Variants in NFATC3 observed in about 807,000 individuals in gnomAD.
NFATC3 encodes nuclear factor of activated T cells 3, also known as nuclear factor of activated T-cells, cytoplasmic 3.
Under a neutral mutation model 98.6 loss-of-function variants are expected in NFATC3, and 46 were observed. That is an observed-to-expected ratio of 0.47 (90% CI 0.37 to 0.60). The LOEUF (loss-of-function observed/expected upper bound fraction) is 0.60, where lower values mean the gene tolerates loss of function less well. Among genes scored for constraint, NFATC3 ranks in the 20% least tolerant of loss-of-function variants. The probability of loss-of-function intolerance (pLI) is 0.00; values close to 1 mark genes in which losing one functional copy is unlikely to be tolerated. For missense variants in NFATC3, 1,256 were observed against 1,295.5 expected (o/e 0.97, Z 0.47); for synonymous variants, 512 against 472.2 (o/e 1.08, Z -1.09).
chr16:68,118,784 GGTTTCTTATCTC>G (rs1488324031), intron 1 of NFATC3, among the ~76,000 whole-genome samples: 1 of 152,072 alleles, frequency 6.6e-6, no homozygotes, highest in Admixed American at 6.6e-5. Flanking sequence ...TAGAAGTTTT[GGTTTCTTATCTC>G]AAGTCTGTCT....
intron 1 of NFATC3, among the ~76,000 whole-genome samples, chr16:68,105,072 A>G (rs1279892024): frequency 6.7e-6 from 1 of 148,898 alleles, no homozygotes; most frequent in Non-Finnish European, 1.5e-5. Flanking sequence ...TTTTTCTGTC[A>G]GTTGAGGTGA....
chr16:68,158,101 T>G (rs377157662), intron 4 of NFATC3, 33 bp downstream of exon 4: 14 of 1,411,000 alleles, frequency 9.9e-6, no homozygotes, highest in Middle Eastern at 3.6e-4. Flanking sequence ...TGTGCAGTTC[T>G]TTTTTTCTCT....
At chr16:68,126,905 A>G (rs2036861928) in intron 3 of NFATC3, among the ~76,000 whole-genome samples, 1 of 152,146 alleles carries the variant, frequency 6.6e-6, no homozygotes, top group African/African-American at 2.4e-5. Context: ...TTATGAATAA[A>G]ATATATGCTC....
At position 68,183,078 on chromosome 16, in the gene NFATC3, A is replaced by C. The variant is rs535792921; in HGVS notation, c.1972-162A>C. Among the ~76,000 whole-genome samples the C allele has an allele frequency of 2.0e-5, 3 of 152,356 alleles. No individual in the cohort carries two copies. The East Asian group carries it at 5.8e-4, about 29-fold the overall frequency. On this transcript the variant is annotated intron_variant, in intron 7 of 9. Coordinates refer to ENST00000346183, the MANE Select transcript of NFATC3 (RefSeq NM_173165.3). ...AAAAGACTTACTCTTTCAAGACTGA[A>C]GTATCCCTTTAGTAAATCTCCAGAT...
intron 5 of NFATC3, among the ~76,000 whole-genome samples, chr16:68,171,525 G>A (rs2039460856): frequency 6.6e-6 from 1 of 150,952 alleles, no homozygotes; most frequent in Non-Finnish European, 1.5e-5. Context: ...CCAGGCTGGA[G>A]TGCAATGGCA....
chr16:68,092,909 T>G (rs2034807414), intron 1 of NFATC3, among the ~76,000 whole-genome samples: 1 of 152,208 alleles, frequency 6.6e-6, no homozygotes, highest in African/African-American at 2.4e-5. Flanking sequence ...TTTCCCCCCT[T>G]CTCTCTGCCC....
rs189527094 is a variant in NFATC3 at position 68,137,699 on chromosome 16, C to T, written c.1401+11089C>T. Reference sequence around the variant, plus strand: ...CTCGATCTCCGCTCACTGCAAGCTCCGCCTCCTGGGTTCACGCCATTCTCC... The same window carrying T: ...CTCGATCTCCGCTCACTGCAAGCTCTGCCTCCTGGGTTCACGCCATTCTCC... On this transcript the variant is annotated intron_variant, in intron 3 of 9. Transcript: ENST00000346183. Among the ~76,000 whole-genome samples, 159 of 151,812 alleles carry T rather than the reference C, an allele frequency of 1.0e-3. 1 individual carries two copies. The highest frequency in any genetic ancestry group is 3.8e-3 in the African/African-American group (159 of 41,386).
chr16:68,148,146 A>T (rs2038132785), intron 3 of NFATC3, among the ~76,000 whole-genome samples: 1 of 151,996 alleles, frequency 6.6e-6, no homozygotes, highest in South Asian at 2.1e-4. Flanking sequence ...CTTCCTGAGT[A>T]GCTGGGATTA....
chr16:68,116,668 C>T lies in NFATC3; in HGVS notation c.104-5319C>T, dbSNP rs190140453. ...GCAGCACTTTAAGACATCATTCTGA[C>T]GTAGAAGATGTTTGCTTCATCTACA... On this transcript the variant is annotated intron_variant, in intron 1 of 9. Coordinates refer to ENST00000346183, the MANE Select transcript of NFATC3 (RefSeq NM_173165.3). Among the ~76,000 whole-genome samples the T allele has an allele frequency of 6.4e-4, 97 of 152,240 alleles. 1 individual carries two copies. Among genetic ancestry groups the T allele is most frequent in the Admixed American group, 1.7e-3 (26 of 15,298 alleles).
At chr16:68,211,931 G>A (rs1324737970) in intron 9 of NFATC3, among the ~76,000 whole-genome samples, 1 of 152,208 alleles carries the variant, frequency 6.6e-6, no homozygotes, top group East Asian at 1.9e-4. Flanking sequence ...CTGGAGCACT[G>A]CAAGTTTCTG....
chr16:68,123,116 A>G lies in NFATC3; in HGVS notation c.1233A>G (p.Ile411Met). The G allele has an allele frequency of 6.3e-7, 1 of 1,593,076 alleles. No individual in the cohort carries two copies. Among genetic ancestry groups the G allele is most frequent in the South Asian group, 1.1e-5 (1 of 89,890 alleles). Residue 411 changes from isoleucine to methionine, a missense_variant, in exon 2 of 10, where the codon ATA becomes ATG. Coordinates refer to ENST00000346183, the MANE Select transcript of NFATC3 (RefSeq NM_173165.3). ...WSKPKPGHTPIFRTSSLPPLD... is the reference protein window; with the variant it reads ...WSKPKPGHTPMFRTSSLPPLD... ...AACCAAAGCCTGGCCACACCCCTAT[A>G]TTTCGGTGAGTTGATGGAAATGGCT...
At chr16:68,164,166 G>A (rs1478969300) in intron 4 of NFATC3, among the ~76,000 whole-genome samples, 3 of 152,348 alleles carry the variant, frequency 2.0e-5, no homozygotes, top group Non-Finnish European at 2.9e-5. Flanking sequence ...TCGGGAGGCC[G>A]AGGCTGGCGG....
rs1412529661 is a variant in NFATC3, at chr16:68,228,497, T to C, written c.*2026T>C. 6.6e-6 allele frequency: 1 copy of C among 152,636 alleles called. No individual in the cohort carries two copies. Among genetic ancestry groups the C allele is most frequent in the Non-Finnish European group, 1.5e-5 (1 of 68,046 alleles). 9.5% of individuals were successfully genotyped at this position (152,636 alleles called of 1,614,324 possible). ...AAGCCTCTATGATCCAGAGTTGCTA[T>C]GCACCAAATTTTGATGCCTTCTAAA... On this transcript the variant is annotated 3_prime_UTR_variant, in exon 10 of 10. Transcript: ENST00000346183.
intron 1 of NFATC3, among the ~76,000 whole-genome samples, chr16:68,105,816 A>G (rs2035623209): frequency 6.6e-6 from 1 of 152,122 alleles, no homozygotes; most frequent in South Asian, 2.1e-4. Context: ...ATCTCTGTAT[A>G]TCTAGGAGTT....
At chr16:68,206,760 A>G (rs1950235292) in intron 9 of NFATC3, among the ~76,000 whole-genome samples, 1 of 152,068 alleles carries the variant, frequency 6.6e-6, no homozygotes, top group Admixed American at 6.6e-5. Flanking sequence ...AGGTGGGTGG[A>G]TTGCCTGAGC....
chr16:68,187,270 G>A (rs905410012), intron 8 of NFATC3, among the ~76,000 whole-genome samples: 4 of 152,222 alleles, frequency 2.6e-5, no homozygotes, highest in Non-Finnish European at 5.9e-5. Flanking sequence ...AGGAACCTCA[G>A]AGCCCCAAAG....
chr16:68,184,291 T>C lies in NFATC3; in HGVS notation c.2098+925T>C, dbSNP rs1425818052. On this transcript the variant is annotated intron_variant, in intron 8 of 9. Transcript: ENST00000346183. Reference sequence around the variant, plus strand: ...GAGGGGATAGGATTTAAAATGGGCCTTAGAGGGGAGAAGGAACAGAAGGGA... The same window carrying C: ...GAGGGGATAGGATTTAAAATGGGCCCTAGAGGGGAGAAGGAACAGAAGGGA... Among the ~76,000 whole-genome samples the C allele has an allele frequency of 3.9e-5, 6 of 152,048 alleles. No individual in the cohort carries two copies. The South Asian group carries it at 1.2e-3, about 32-fold the overall frequency.
At chr16:68,207,005 TAAAA>T (rs559629801) in intron 9 of NFATC3, among the ~76,000 whole-genome samples, 36 of 111,274 alleles carry the variant, frequency 3.2e-4, no homozygotes, top group African/African-American at 1.1e-3. Flanking sequence ...GCATACATAT[TAAAA>T]AAAAAAAAAA....
chr16:68,184,004 C>CA (rs34341175), intron 8 of NFATC3, among the ~76,000 whole-genome samples: 12,280 of 62,506 alleles, frequency 0.2, 834 homozygotes, highest in South Asian at 0.25. Flanking sequence ...AACTCCGTCA[C>CA]AAAAAAAAAA....
Sources: gnomAD v4.1 joint callset for allele counts (sites outside exome capture counted in the v4.1 genomes callset) on GRCh38, gnomAD v4.1.1 for gene constraint, MANE v1.5 for transcripts, NCBI Gene and HGNC (gene_info 2026-07-23, HGNC 2026-07-21) for gene names.